CARMIL1: variants seen among roughly 807,000 people sequenced by gnomAD.
The protein encoded by CARMIL1 is F-actin-uncapping protein LRRC16A.
CARMIL1 carries 90 observed loss-of-function variants against 177.1 expected under a neutral mutation model. The observed-to-expected ratio is 0.51, with a 90% CI of 0.43 to 0.61. CARMIL1 has a LOEUF of 0.61. Ranked by LOEUF, CARMIL1 falls within the 20% of genes least tolerant of loss-of-function variation. The probability of loss-of-function intolerance (pLI) is 0.00; values close to 1 mark genes in which losing one functional copy is unlikely to be tolerated. For missense variants in CARMIL1, 1,380 were observed against 1,667.0 expected (o/e 0.83, Z 3.00); for synonymous variants, 577 against 606.2 (o/e 0.95, Z 0.71).
chr6:25,596,307 AT>A lies in CARMIL1; in HGVS notation c.3119+1783del, dbSNP rs564014451. 8.5e-5 allele frequency among the ~76,000 whole-genome samples: 13 copies of A among 152,310 alleles called. No homozygotes were observed. In the East Asian group the frequency reaches 2.5e-3, roughly 29 times the overall value. ...AATCTACTAAAAGTTGTGATTTGAA[AT>A]TTCTTTATAAATAGATTATTGTCAG... On this transcript the variant is annotated intron_variant, in intron 32 of 36. Transcript: ENST00000329474.
intron 23 of CARMIL1, 50 bp from the exon 24 acceptor site, chr6:25,528,745 T>G (rs1458763239): frequency 7.6e-7 from 1 of 1,322,892 alleles, no homozygotes; most frequent in African/African-American, 1.5e-5. Flanking sequence ...TACTTTATTC[T>G]CCGCTGGGTT....
At chr6:25,482,579 AACTTTTAAAACTTTGAGTC>A (rs368621984) in intron 12 of CARMIL1, among the ~76,000 whole-genome samples, 20 of 152,304 alleles carry the variant, frequency 1.3e-4, no homozygotes, top group African/African-American at 4.3e-4. Flanking sequence ...TGCAGTCTTT[AACTTTTAAAACTTTGAGTC>A]AGGGAACACT....
At chr6:25,494,401 C>T (rs987776935) in intron 15 of CARMIL1, among the ~76,000 whole-genome samples, 1 of 152,164 alleles carries the variant, frequency 6.6e-6, no homozygotes, top group Non-Finnish European at 1.5e-5. Context: ...CCATCTTGGA[C>T]TCCTGAATCC....
chr6:25,450,031 T>C (rs1319859843), intron 6 of CARMIL1, 36 bp downstream of exon 6: 2 of 1,502,232 alleles, frequency 1.3e-6, no homozygotes, highest in Non-Finnish European at 1.8e-6. Context: ...TGTGAATAGC[T>C]GGATGGATAT....
intron 2 of CARMIL1, among the ~76,000 whole-genome samples, chr6:25,302,506 G>A (rs914059560): frequency 2.6e-5 from 4 of 152,116 alleles, no homozygotes; most frequent in African/African-American, 9.7e-5. Context: ...TTTACCTATT[G>A]TACTTTTATG....
At chr6:25,385,048 TAC>T (rs1792012047) in intron 2 of CARMIL1, among the ~76,000 whole-genome samples, 1 of 152,226 alleles carries the variant, frequency 6.6e-6, no homozygotes, top group Admixed American at 6.5e-5. Context: ...AATCTTTCTT[TAC>T]AGAGTTCACA....
chr6:25,411,682 G>A (rs1156264282), intron 2 of CARMIL1, among the ~76,000 whole-genome samples: 2 of 152,190 alleles, frequency 1.3e-5, no homozygotes, highest in African/African-American at 2.4e-5. Flanking sequence ...TCTACATAAT[G>A]TGAAAAGGAA....
chr6:25,338,069 C>T (rs1581611140), intron 2 of CARMIL1, among the ~76,000 whole-genome samples: 1 of 151,958 alleles, frequency 6.6e-6, no homozygotes, highest in Admixed American at 6.6e-5. Context: ...CCAGCCTGGC[C>T]AACATGGCGA....
intron 2 of CARMIL1, among the ~76,000 whole-genome samples, chr6:25,374,755 TTTA>T (rs1433349397): frequency 3.9e-5 from 6 of 152,212 alleles, no homozygotes; most frequent in Non-Finnish European, 8.8e-5. Context: ...GATTGATCCT[TTTA>T]TTATTATATA....
chr6:25,526,081 G>A (rs989074263), intron 23 of CARMIL1, among the ~76,000 whole-genome samples: 6 of 151,686 alleles, frequency 4.0e-5, no homozygotes, highest in Admixed American at 3.3e-4. Context: ...AGGCCGAGGC[G>A]GGCGGATCAC....
At position 25,509,705 on chromosome 6, in the gene CARMIL1, A is replaced by G; in HGVS notation, c.1445A>G (p.His482Arg). 1 of 1,602,524 alleles carries G rather than the reference A, an allele frequency of 6.2e-7. No homozygotes were observed. The highest frequency in any genetic ancestry group is 1.1e-5 in the South Asian group (1 of 88,416). ...QVLEGCIAEIHNITSLDISDN... is the reference protein window; with the variant it reads ...QVLEGCIAEIRNITSLDISDN... ...TTAGAAGGTTGCATTGCTGAAATAC[A>G]CAACATCACCAGCTTAGACATCTCT... Residue 482 changes from histidine (H) to arginine (R), a missense_variant, in exon 18 of 37, where the codon CAC becomes CGC. Physicochemically the swap from His to Arg is conservative, Grantham distance 29. Transcript: ENST00000329474. This position sits in a 1 kb window ranked among gnomAD's most constrained non-coding sequence, Gnocchi z 4.1.
At chr6:25,335,028 T>G (rs1323428454) in intron 2 of CARMIL1, among the ~76,000 whole-genome samples, 1 of 152,238 alleles carries the variant, frequency 6.6e-6, no homozygotes, top group African/African-American at 2.4e-5. Flanking sequence ...GTTAAGATAC[T>G]TGCTTGAGGT....
intron 2 of CARMIL1, among the ~76,000 whole-genome samples, chr6:25,312,687 C>T (rs9467466): frequency 0.21 from 31,453 of 151,074 alleles, 4,172 homozygotes; most frequent in East Asian, 0.4. Flanking sequence ...CCTTCAGTCA[C>T]TCAGTATTAC....
At position 25,620,063 on chromosome 6, in the gene CARMIL1, T is replaced by C. The variant is rs1321816067; in HGVS notation, c.*480T>C. On this transcript the variant is annotated 3_prime_UTR_variant, in exon 37 of 37. Transcript: ENST00000329474. ...ACTCAATATAGCAATTTATTCTTGATGTATGCAATTGCACATTGTAATTAT... is the reference window on the plus strand; with the variant it reads ...ACTCAATATAGCAATTTATTCTTGACGTATGCAATTGCACATTGTAATTAT... 1 of 152,858 alleles carries C rather than the reference T, an allele frequency of 6.5e-6. No individual in the cohort carries two copies. Among genetic ancestry groups the C allele is most frequent in the Non-Finnish European group, 1.5e-5 (1 of 68,216 alleles). The allele number at this position is 152,858 out of a possible 1,614,324, so 9.5% of individuals were successfully genotyped here.
At chr6:25,355,286 G>A (rs564599233) in intron 2 of CARMIL1, among the ~76,000 whole-genome samples, 1 of 152,076 alleles carries the variant, frequency 6.6e-6, no homozygotes, top group Non-Finnish European at 1.5e-5. Context: ...TAGACACCAG[G>A]AATACTACTT....
intron 31 of CARMIL1, among the ~76,000 whole-genome samples, chr6:25,586,574 A>G (rs1813727269): frequency 1.3e-5 from 2 of 151,994 alleles, no homozygotes; most frequent in South Asian, 4.2e-4. Context: ...AGAGGCTGCA[A>G]TCTCGGCACT....
chr6:25,463,530 C>G (rs993716100), intron 8 of CARMIL1, among the ~76,000 whole-genome samples: 11 of 152,110 alleles, frequency 7.2e-5, no homozygotes, highest in South Asian at 2.1e-4. Context: ...TGGGACAGAA[C>G]AGAATACACA....
Position 25,399,342 on chromosome 6 carries a change from T to A in CARMIL1, c.139-20772T>A, listed in dbSNP as rs143081239. 6.8e-3 allele frequency among the ~76,000 whole-genome samples: 1,034 copies of A among 152,322 alleles called. 10 individuals are homozygous for A. Among genetic ancestry groups the A allele is most frequent in the African/African-American group, 0.024 (985 of 41,576 alleles). On this transcript the variant is annotated intron_variant, in intron 2 of 36. Transcript: ENST00000329474. ...GGTTGTCTACCTGCCCAGGTGAGGA[T>A]GCAACCCTTGCATTAGAGAAGACCC... is the stretch of plus-strand genomic sequence containing the variant.
In CARMIL1 at chr6:25,619,601, G is replaced by A. The variant is rs187546176; in HGVS notation, c.*18G>A. 3.7e-6 allele frequency: 6 copies of A among 1,611,410 alleles called. No individual in the cohort carries two copies. The Admixed American group carries it at 5.0e-5, about 13-fold the overall frequency. ...TTGTGTAAAGGTCACCCACGCAGAA[G>A]TCTTCCTGTGCAGGGTGCTTTGGTA... On this transcript the variant is annotated 3_prime_UTR_variant, in exon 37 of 37. Coordinates refer to ENST00000329474, the MANE Select transcript of CARMIL1 (RefSeq NM_017640.6).
Sources: allele counts gnomAD v4.1 joint callset (sites outside exome capture counted in the v4.1 genomes callset), GRCh38; gene constraint gnomAD v4.1.1; non-coding constraint Gnocchi (gnomAD v3.1); transcripts MANE v1.5; gene names NCBI Gene and HGNC (gene_info 2026-07-23, HGNC 2026-07-21).